PLXNA2: variants seen among roughly 807,000 people sequenced by gnomAD.
The protein encoded by PLXNA2 is plexin-A2.
Under a neutral mutation model 193.5 loss-of-function variants are expected in PLXNA2, and 91 were observed. The observed-to-expected ratio is 0.47, with a 90% confidence interval of 0.40 to 0.56. PLXNA2 has a LOEUF of 0.56. PLXNA2 is among the 20% of genes least tolerant of loss of function. PLXNA2 has a pLI of 0.00. For missense variants in PLXNA2, 1,995 were observed against 2,503.2 expected, an observed-to-expected ratio of 0.80 and a Z score of 4.33; for synonymous variants, 997 against 1,027.3, an observed-to-expected ratio of 0.97 and a Z score of 0.56.
chr1:208,196,347 A>C (rs551777432), intron 3 of PLXNA2, among the ~76,000 whole-genome samples: 1 of 152,288 alleles, frequency 6.6e-6, no homozygotes, highest in South Asian at 2.1e-4. Context: ...AAAACAAAAA[A>C]CAAAAAAAAA....
chr1:208,120,953 A>G (rs1667788932), intron 4 of PLXNA2, among the ~76,000 whole-genome samples: 1 of 152,208 alleles, frequency 6.6e-6, no homozygotes, highest in African/African-American at 2.4e-5. Flanking sequence ...AAACCAAAGC[A>G]GAGAGAATGA....
chr1:208,131,695 G>C (rs539555697), intron 4 of PLXNA2, among the ~76,000 whole-genome samples: 2 of 152,280 alleles, frequency 1.3e-5, no homozygotes, highest in East Asian at 3.9e-4. Context: ...AAGCTGAATC[G>C]GGGCTTCAAT....
intron 3 of PLXNA2, among the ~76,000 whole-genome samples, chr1:208,166,335 T>C (rs983799095): frequency 4.6e-5 from 7 of 152,208 alleles, no homozygotes; most frequent in African/African-American, 9.6e-5. Flanking sequence ...CTGGTCTGCA[T>C]TGCTGGAACC....
At chr1:208,112,205 G>C (rs1453694839) in intron 4 of PLXNA2, among the ~76,000 whole-genome samples, 2 of 152,124 alleles carry the variant, frequency 1.3e-5, no homozygotes, top group African/African-American at 4.8e-5. Flanking sequence ...AAAGGGGAGA[G>C]GACAATATGA....
chr1:208,225,517 T>C (rs1387317881), intron 1 of PLXNA2, among the ~76,000 whole-genome samples: 1 of 152,180 alleles, frequency 6.6e-6, no homozygotes, highest in Non-Finnish European at 1.5e-5. Flanking sequence ...TTCATGATGC[T>C]AGCCAGGCTG....
At chr1:208,122,225 G>A (rs933972695) in intron 4 of PLXNA2, among the ~76,000 whole-genome samples, 3 of 152,174 alleles carry the variant, frequency 2.0e-5, no homozygotes, top group African/African-American at 7.2e-5. Flanking sequence ...TGAGATCCTA[G>A]ATACTGCAGT....
intron 3 of PLXNA2, among the ~76,000 whole-genome samples, chr1:208,153,714 G>A (rs939298394): frequency 5.9e-5 from 9 of 152,210 alleles, no homozygotes; most frequent in African/African-American, 2.2e-4. Context: ...TGAGGAACAG[G>A]GTAAGAGGAG....
At chr1:208,036,141 T>C (rs1664663926) in intron 26 of PLXNA2, among the ~76,000 whole-genome samples, 1 of 152,192 alleles carries the variant, frequency 6.6e-6, no homozygotes, top group Non-Finnish European at 1.5e-5. Flanking sequence ...CCATCAGCAC[T>C]AGGACTGGGA....
intron 26 of PLXNA2, among the ~76,000 whole-genome samples, chr1:208,035,221 GGTCACATAATTCATACATGGTAGA>G (rs1261846928): frequency 6.6e-6 from 1 of 152,146 alleles, no homozygotes; most frequent in Non-Finnish European, 1.5e-5. Context: ...ACCTCTTAAA[GGTCACATAATTCATACATGGTAGA>G]GCCAATATTT....
intron 3 of PLXNA2, among the ~76,000 whole-genome samples, chr1:208,166,663 G>A (rs72741231): frequency 5.0e-4 from 76 of 152,220 alleles, no homozygotes; most frequent in Non-Finnish European, 1.1e-3. Context: ...GTGAGGAAAG[G>A]AAAATCAACA....
At chr1:208,218,826 C>T (rs1171991159) in intron 1 of PLXNA2, among the ~76,000 whole-genome samples, 1 of 152,214 alleles carries the variant, frequency 6.6e-6, no homozygotes, top group African/African-American at 2.4e-5. Flanking sequence ...TAGCCAGGTC[C>T]TCGGGAAATT....
intron 4 of PLXNA2, among the ~76,000 whole-genome samples, chr1:208,141,242 TC>T (rs1156913833): frequency 6.6e-6 from 1 of 152,226 alleles, no homozygotes; most frequent in Non-Finnish European, 1.5e-5. Flanking sequence ...CACACTTATC[TC>T]TTCCTTACTT....
At chr1:208,098,304 C>T (rs1278516751) in intron 6 of PLXNA2, among the ~76,000 whole-genome samples, 1 of 152,102 alleles carries the variant, frequency 6.6e-6, no homozygotes, top group Non-Finnish European at 1.5e-5. Flanking sequence ...AATGCAGGGC[C>T]TGAGGACATG....
At chr1:208,084,330 G>C (rs1004195878) in intron 10 of PLXNA2, 50 bp downstream of exon 10, 1 of 1,587,606 alleles carries the variant, frequency 6.3e-7, no homozygotes, top group South Asian at 1.1e-5. Flanking sequence ...CCCAGCACGA[G>C]TGTGAGAGGA....
chr1:208,127,800 T>G (rs890106424), intron 4 of PLXNA2, among the ~76,000 whole-genome samples: 3 of 152,178 alleles, frequency 2.0e-5, no homozygotes, highest in African/African-American at 7.2e-5. Context: ...GTTTAGCTGC[T>G]CAGTAAAACG....
At chr1:208,188,529 C>A (rs552226823) in intron 3 of PLXNA2, among the ~76,000 whole-genome samples, 1 of 151,998 alleles carries the variant, frequency 6.6e-6, no homozygotes, top group East Asian at 1.9e-4. Context: ...GCCAACATGT[C>A]GAAATCCCAT....
intron 1 of PLXNA2, among the ~76,000 whole-genome samples, chr1:208,228,895 T>C (rs979673407): frequency 2.0e-5 from 3 of 152,138 alleles, no homozygotes; most frequent in Admixed American, 6.5e-5. Flanking sequence ...TCCTCCAAAG[T>C]CAATTAAAAA....
chr1:208,217,964 T>C lies in PLXNA2; in HGVS notation c.-42A>G, dbSNP rs1330829469. The C allele has an allele frequency of 6.3e-7, 1 of 1,594,364 alleles. No individual in the cohort carries two copies. The highest frequency in any genetic ancestry group is 8.5e-7 in the Non-Finnish European group (1 of 1,176,602). ...GTGAGGAGACGGCTCCTGTGTGTGC[T>C]CATCTGCTCCACCTTCCCCGGTTGG... On this transcript the variant is annotated 5_prime_UTR_variant, in exon 2 of 32. Transcript: ENST00000367033. This position sits in a 1 kb window ranked among gnomAD's most constrained non-coding sequence, Gnocchi z 4.7.
At chr1:208,205,437 C>G (rs1670686292) in intron 3 of PLXNA2, among the ~76,000 whole-genome samples, 1 of 152,184 alleles carries the variant, frequency 6.6e-6, no homozygotes, top group Non-Finnish European at 1.5e-5. Context: ...ATGCCTTGCC[C>G]TGTCTGTGCC....
Sources: gnomAD v4.1 joint callset for allele counts (sites outside exome capture counted in the v4.1 genomes callset) on GRCh38, gnomAD v4.1.1 for gene constraint, Gnocchi (gnomAD v3.1) non-coding constraint, MANE v1.5 for transcripts, NCBI Gene and HGNC (gene_info 2026-07-23, HGNC 2026-07-21) for gene names.